The following ZFHX3 variants were observed in gnomAD, a reference collection of about 807,000 sequenced individuals.
The protein encoded by ZFHX3 is zinc finger homeobox 3, also known as zinc finger homeobox protein 3.
A neutral mutation model predicts 279.1 loss-of-function variants in ZFHX3; 42 were observed. The observed-to-expected ratio is 0.15, with a 90% CI of 0.12 to 0.19. The LOEUF (loss-of-function observed/expected upper bound fraction) is 0.19, where lower values mean the gene tolerates loss of function less well. Among genes scored for constraint, ZFHX3 ranks in the 10% least tolerant of loss-of-function variants. The probability of loss-of-function intolerance (pLI) is 1.00; values close to 1 mark genes in which losing one functional copy is unlikely to be tolerated. For missense variants in ZFHX3, 4,981 were observed against 4,754.0 expected (o/e 1.05, Z -1.40); for synonymous variants, 2,293 against 1,957.8 (o/e 1.17, Z -4.52).
chr16:73,281,660 A>C (rs909591433), intron 4 of ZFHX3, among the ~76,000 whole-genome samples: 5 of 152,214 alleles, frequency 3.3e-5, no homozygotes, highest in African/African-American at 1.2e-4. Flanking sequence ...AGGGCATGGG[A>C]GGAAACTTTG....
chr16:73,140,681 C>T (rs1567400262), intron 6 of ZFHX3, among the ~76,000 whole-genome samples: 1 of 152,156 alleles, frequency 6.6e-6, no homozygotes, highest in Non-Finnish European at 1.5e-5. Flanking sequence ...CATGGCGTAA[C>T]CCTGTCTACT....
chr16:73,328,277 T>C (rs993642051), intron 3 of ZFHX3, among the ~76,000 whole-genome samples: 1 of 152,156 alleles, frequency 6.6e-6, no homozygotes, highest in African/African-American at 2.4e-5. Context: ...GTCATCCATT[T>C]TAAAGGTCTT....
Position 72,800,091 on chromosome 16 carries a change from G to A in ZFHX3, c.3903C>T (p.Phe1301=), listed in dbSNP as rs1362499849. ...CTCGATCTGGAACAGCTGCTGGGAGGAACATGCTGCTTGGCATCACCATCT... is the reference window on the plus strand; with the variant it reads ...CTCGATCTGGAACAGCTGCTGGGAGAAACATGCTGCTTGGCATCACCATCT... The part of the protein sequence containing the change: ...TPEMVMPSSM[F]LPAAVPDRDG... Residue 1301 remains phenylalanine (F), a synonymous_variant, in exon 8 of 10, where the codon TTC becomes TTT. Transcript: ENST00000268489. The A allele has an allele frequency of 1.9e-6, 3 of 1,614,176 alleles. No individual in the cohort carries two copies. Among genetic ancestry groups the A allele is most frequent in the East Asian group, 2.2e-5 (1 of 44,890 alleles).
intron 2 of ZFHX3, among the ~76,000 whole-genome samples, chr16:73,588,130 T>C (rs1476893709): frequency 6.6e-6 from 1 of 152,130 alleles, no homozygotes; most frequent in Admixed American, 6.5e-5. Context: ...ATTAGGACTT[T>C]AGGAAACATT....
chr16:72,936,159 G>T (rs1359160580), intron 3 of ZFHX3, among the ~76,000 whole-genome samples: 1 of 152,220 alleles, frequency 6.6e-6, no homozygotes, highest in Admixed American at 6.5e-5. Context: ...GCTCTGCAAT[G>T]ACCTGGTCCA....
chr16:73,248,405 T>C (rs2013371300), intron 5 of ZFHX3, among the ~76,000 whole-genome samples: 1 of 152,008 alleles, frequency 6.6e-6, no homozygotes, highest in African/African-American at 2.4e-5. Context: ...TGTGTGTGTG[T>C]GCACTGTGCA....
chr16:73,069,702 G>C (rs1183742100), intron 8 of ZFHX3, among the ~76,000 whole-genome samples: 1 of 152,156 alleles, frequency 6.6e-6, no homozygotes, highest in African/African-American at 2.4e-5. Context: ...GTTTACCTAA[G>C]ACTGTCCCAC....
chr16:72,886,196 C>T (rs903843697), intron 4 of ZFHX3, among the ~76,000 whole-genome samples: 2 of 152,084 alleles, frequency 1.3e-5, no homozygotes, highest in South Asian at 2.1e-4. Context: ...ATAAATAATA[C>T]GTAATACTTT....
intron 1 of ZFHX3, among the ~76,000 whole-genome samples, chr16:73,683,920 C>A (rs1415577565): frequency 6.6e-6 from 1 of 152,124 alleles, no homozygotes; most frequent in Non-Finnish European, 1.5e-5. Flanking sequence ...GTTTGTGGGC[C>A]ACATATACAG....
chr16:73,769,248 A>C (rs1317722527), intron 1 of ZFHX3, among the ~76,000 whole-genome samples: 1 of 152,146 alleles, frequency 6.6e-6, no homozygotes, highest in East Asian at 1.9e-4. Flanking sequence ...AGTACTTTCT[A>C]CTGTCACATA....
intron 4 of ZFHX3, among the ~76,000 whole-genome samples, chr16:73,288,538 G>A (rs866223721): frequency 6.6e-6 from 1 of 152,284 alleles, no homozygotes; most frequent in African/African-American, 2.4e-5. Context: ...CGTGCGTCTA[G>A]GCTCTGTGAC....
chr16:73,366,414 T>TG (rs957659530), intron 3 of ZFHX3, among the ~76,000 whole-genome samples: 4 of 151,274 alleles, frequency 2.6e-5, no homozygotes, highest in Admixed American at 6.6e-5. Flanking sequence ...GATTCCTAAG[T>TG]GGAAAAAAAC....
Position 73,691,445 on chromosome 16 carries a change from G to A in ZFHX3, c.-1607-11205C>T, listed in dbSNP as rs544007478. Among the ~76,000 whole-genome samples, 3 of 152,302 alleles carry A rather than the reference G, an allele frequency of 2.0e-5. No homozygotes were observed. In the South Asian group the frequency reaches 6.2e-4, roughly 32 times the overall value. On this transcript the variant is annotated intron_variant, in intron 1 of 17. Coordinates refer to the ZFHX3 transcript ENST00000641206. ...TCCAACCTTGAAGGAACAGAAGGTG[G>A]GACCATCGGCTTTATTTAGAATAAG...
intron 3 of ZFHX3, among the ~76,000 whole-genome samples, chr16:73,446,515 C>A (rs1296958830): frequency 6.6e-6 from 1 of 152,186 alleles, no homozygotes; most frequent in Non-Finnish European, 1.5e-5. Context: ...TCATCTCCCA[C>A]AAGGTCCCTC....
intron 1 of ZFHX3, among the ~76,000 whole-genome samples, chr16:72,987,724 C>G (rs1489113056): frequency 6.6e-6 from 1 of 152,204 alleles, no homozygotes; most frequent in Non-Finnish European, 1.5e-5. Context: ...ATGGATACCA[C>G]AGCATGGCTG....
At chr16:73,868,229 G>A (rs1962078253) in intron 1 of ZFHX3, among the ~76,000 whole-genome samples, 1 of 152,184 alleles carries the variant, frequency 6.6e-6, no homozygotes, top group Admixed American at 6.5e-5. Context: ...TGAAGTCAAG[G>A]TTCAACAATG....
At chr16:73,179,983 G>C (rs1967756432) in intron 5 of ZFHX3, among the ~76,000 whole-genome samples, 1 of 152,188 alleles carries the variant, frequency 6.6e-6, no homozygotes, top group Admixed American at 6.5e-5. Flanking sequence ...ACACACAGCA[G>C]GCCCAGCTTT....
At chr16:73,813,514 A>G (rs973974510) in intron 1 of ZFHX3, among the ~76,000 whole-genome samples, 5 of 151,882 alleles carry the variant, frequency 3.3e-5, no homozygotes, top group South Asian at 2.1e-4. Flanking sequence ...AAAAAAAAGG[A>G]AAAAAAATGT....
chr16:73,263,036 C>G (rs1402423749), intron 4 of ZFHX3, among the ~76,000 whole-genome samples: 2 of 152,164 alleles, frequency 1.3e-5, no homozygotes, highest in African/African-American at 4.8e-5. Context: ...AGCCATCCAG[C>G]CATCCCAGCC....
Sources: allele counts gnomAD v4.1 joint callset (sites outside exome capture counted in the v4.1 genomes callset), GRCh38; gene constraint gnomAD v4.1.1; transcripts MANE v1.5; gene names NCBI Gene and HGNC (gene_info 2026-07-23, HGNC 2026-07-21).